The following CTNND2 variants were observed in gnomAD, a reference collection of about 807,000 sequenced individuals.
The protein encoded by CTNND2 is catenin delta 2.
CTNND2 carries 22 observed loss-of-function variants against 144.4 expected under a neutral mutation model. The ratio of observed to expected loss-of-function variants is 0.15; its 90% CI spans 0.11 to 0.22. The LOEUF is 0.22. CTNND2 is among the 10% of genes least tolerant of loss of function. The probability of loss-of-function intolerance (pLI) is 1.00; values close to 1 mark genes in which losing one functional copy is unlikely to be tolerated. For missense variants in CTNND2, 1,353 were observed against 1,618.8 expected, an observed-to-expected ratio of 0.84 and a Z score of 2.82; for synonymous variants, 751 against 695.6, an observed-to-expected ratio of 1.08 and a Z score of -1.25.
intron 5 of CTNND2, among the ~76,000 whole-genome samples, chr5:11,408,236 T>C (rs73742833): frequency 0.014 from 2,111 of 152,320 alleles, 58 homozygotes; most frequent in African/African-American, 0.048. Flanking sequence ...ATAGAATCTA[T>C]ATCTCATCTG....
intron 3 of CTNND2, among the ~76,000 whole-genome samples, chr5:11,450,950 G>C (rs1765264157): frequency 2.0e-5 from 3 of 150,668 alleles, no homozygotes; most frequent in Admixed American, 2.0e-4. Context: ...CATTTTATGG[G>C]TAGTTTCCTT....
At chr5:11,491,865 T>G (rs1471464455) in intron 3 of CTNND2, among the ~76,000 whole-genome samples, 5 of 152,180 alleles carry the variant, frequency 3.3e-5, no homozygotes, top group Non-Finnish European at 7.3e-5. Flanking sequence ...AGCAACTACT[T>G]GTGACGCATT....
intron 1 of CTNND2, among the ~76,000 whole-genome samples, chr5:11,887,734 C>A (rs894703019): frequency 1.3e-5 from 2 of 152,102 alleles, no homozygotes; most frequent in Non-Finnish European, 2.9e-5. Flanking sequence ...ATCCAAAATG[C>A]CACACCACAT....
intron 9 of CTNND2, among the ~76,000 whole-genome samples, chr5:11,268,869 T>C (rs542407702): frequency 2.6e-5 from 4 of 152,236 alleles, no homozygotes; most frequent in Non-Finnish European, 5.9e-5. Flanking sequence ...ATGTGCACAC[T>C]GACCCTTTTA....
intron 1 of CTNND2, among the ~76,000 whole-genome samples, chr5:11,858,572 C>T (rs907745408): frequency 2.6e-5 from 4 of 152,178 alleles, no homozygotes; most frequent in Non-Finnish European, 5.9e-5. Flanking sequence ...ATATTCTTAG[C>T]TATGAAGCAT....
intron 10 of CTNND2, among the ~76,000 whole-genome samples, chr5:11,216,224 C>T (rs1475121476): frequency 6.6e-6 from 1 of 152,104 alleles, no homozygotes; most frequent in Non-Finnish European, 1.5e-5. Context: ...AACAATGCCC[C>T]CCCACCGCCA....
chr5:11,153,269 TA>T (rs929521544), intron 12 of CTNND2, among the ~76,000 whole-genome samples: 1 of 150,650 alleles, frequency 6.6e-6, no homozygotes, highest in Non-Finnish European at 1.5e-5. Context: ...CTCAAAAGAA[TA>T]AAAAAAAAGG....
chr5:11,163,577 C>T (rs1238319654), intron 11 of CTNND2, among the ~76,000 whole-genome samples: 1 of 152,136 alleles, frequency 6.6e-6, no homozygotes. Context: ...CTCTCTGTTG[C>T]TTTCTTCTCT....
intron 9 of CTNND2, among the ~76,000 whole-genome samples, chr5:11,318,340 C>G (rs1354458655): frequency 6.6e-6 from 1 of 152,142 alleles, no homozygotes; most frequent in Admixed American, 6.5e-5. Context: ...AGGTCCTGAA[C>G]GTGACCAAAG....
chr5:11,621,908 C>T (rs1313489430), intron 2 of CTNND2, among the ~76,000 whole-genome samples: 1 of 152,192 alleles, frequency 6.6e-6, no homozygotes, highest in Non-Finnish European at 1.5e-5. Flanking sequence ...CACTTTCCTT[C>T]CCTTGTCCCA....
chr5:11,387,311 TG>T (rs1213003741), intron 6 of CTNND2, among the ~76,000 whole-genome samples: 1 of 151,626 alleles, frequency 6.6e-6, no homozygotes, highest in African/African-American at 2.4e-5. Context: ...GAACAAACTC[TG>T]GGGGAGGGGC....
intron 11 of CTNND2, among the ~76,000 whole-genome samples, chr5:11,198,940 A>G (rs910026692): frequency 3.9e-5 from 6 of 152,236 alleles, no homozygotes; most frequent in African/African-American, 1.4e-4. Flanking sequence ...AAAGTTCTAC[A>G]ATCATGAAAA....
chr5:11,413,706 T>C (rs975908040), intron 3 of CTNND2, among the ~76,000 whole-genome samples: 4 of 152,310 alleles, frequency 2.6e-5, no homozygotes, highest in East Asian at 1.9e-4. Flanking sequence ...ATGATGATCC[T>C]TGCGTGCTTC....
At chr5:11,456,420 C>T (rs562898837) in intron 3 of CTNND2, among the ~76,000 whole-genome samples, 8 of 151,288 alleles carry the variant, frequency 5.3e-5, no homozygotes, top group African/African-American at 9.7e-5. Context: ...TACAGCAACA[C>T]GAGTTAGGTG....
chr5:11,217,132 ACT>A (rs1157494563), intron 10 of CTNND2, among the ~76,000 whole-genome samples: 2 of 152,046 alleles, frequency 1.3e-5, no homozygotes, highest in Admixed American at 6.6e-5. Flanking sequence ...CTGTTAAATG[ACT>A]CTCTTTTCAG....
intron 3 of CTNND2, among the ~76,000 whole-genome samples, chr5:11,494,749 C>G (rs983933251): frequency 2.6e-5 from 4 of 152,088 alleles, no homozygotes; most frequent in Non-Finnish European, 4.4e-5. Flanking sequence ...GTAGAAAGAT[C>G]CACTTCAGAA....
intron 3 of CTNND2, among the ~76,000 whole-genome samples, chr5:11,477,764 C>T (rs1186834650): frequency 6.6e-6 from 1 of 152,216 alleles, no homozygotes; most frequent in African/African-American, 2.4e-5. Context: ...TGTCCCTTTG[C>T]TATGGTTACA....
At chr5:10,976,081 G>A (rs1019529237) in intron 21 of CTNND2, among the ~76,000 whole-genome samples, 3 of 152,182 alleles carry the variant, frequency 2.0e-5, no homozygotes, top group Non-Finnish European at 2.9e-5. Context: ...CAGGTGACAC[G>A]TGTCACTGCT....
intron 5 of CTNND2, among the ~76,000 whole-genome samples, chr5:11,398,799 GA>G (rs1292896299): frequency 6.6e-6 from 1 of 152,158 alleles, no homozygotes; most frequent in Non-Finnish European, 1.5e-5. Flanking sequence ...CTCAATCACT[GA>G]ATATAAGGAA....
Sources: allele counts gnomAD v4.1 joint callset (sites outside exome capture counted in the v4.1 genomes callset), GRCh38; gene constraint gnomAD v4.1.1; transcripts MANE v1.5; gene names NCBI Gene and HGNC (gene_info 2026-07-23, HGNC 2026-07-21).